CNTNAP5: variants seen among roughly 807,000 people sequenced by gnomAD.
CNTNAP5 encodes contactin-associated protein-like 5.
In CNTNAP5, 72 loss-of-function variants were observed where a neutral mutation model predicts 150.2. The observed-to-expected ratio is 0.48, with a 90% CI of 0.40 to 0.58. The LOEUF (loss-of-function observed/expected upper bound fraction) is 0.58. Ranked by LOEUF, CNTNAP5 falls within the 20% of genes least tolerant of loss-of-function variation. The pLI is 0.00. For synonymous variants in CNTNAP5, 672 were observed against 619.8 expected (o/e 1.08, Z -1.25); for missense variants, 1,636 against 1,626.2 (o/e 1.01, Z -0.10).
At chr2:124,387,045 A>T (rs2104744048) in intron 3 of CNTNAP5, among the ~76,000 whole-genome samples, 1 of 152,328 alleles carries the variant, frequency 6.6e-6, no homozygotes, top group East Asian at 1.9e-4. Context: ...AAAGAACCCC[A>T]CCATATTGGC....
chr2:124,344,153 G>T (rs1321662574), intron 3 of CNTNAP5, among the ~76,000 whole-genome samples: 2 of 152,058 alleles, frequency 1.3e-5, no homozygotes, highest in Non-Finnish European at 2.9e-5. Flanking sequence ...AAAGAGTTTT[G>T]ATTAAGAGAA....
At chr2:124,377,703 T>G (rs920291118) in intron 3 of CNTNAP5, among the ~76,000 whole-genome samples, 8 of 131,398 alleles carry the variant, frequency 6.1e-5, no homozygotes, top group Non-Finnish European at 1.0e-4. Context: ...GAAAAAAAAA[T>G]AAATGCACCT....
intron 13 of CNTNAP5, among the ~76,000 whole-genome samples, chr2:124,650,307 GAGTCCTCATTTACCCAGAC>G (rs1678294473): frequency 6.6e-6 from 1 of 152,150 alleles, no homozygotes; most frequent in East Asian, 1.9e-4. Context: ...TGGGGCAAGA[GAGTCCTCATTTACCCAGAC>G]AGTCCCGTAG....
At chr2:124,486,845 A>G (rs1037004434) in intron 7 of CNTNAP5, among the ~76,000 whole-genome samples, 4 of 152,190 alleles carry the variant, frequency 2.6e-5, no homozygotes, top group African/African-American at 9.7e-5. Flanking sequence ...ATTACATTAA[A>G]ATGCATTTCT....
chr2:124,418,788 C>A (rs746012477), intron 4 of CNTNAP5, among the ~76,000 whole-genome samples: 1 of 152,190 alleles, frequency 6.6e-6, no homozygotes, highest in African/African-American at 2.4e-5. Flanking sequence ...GGGCATCAAG[C>A]TCCTCTTGTC....
intron 19 of CNTNAP5, among the ~76,000 whole-genome samples, chr2:124,807,036 C>G (rs1682096278): frequency 6.6e-6 from 1 of 151,578 alleles, no homozygotes; most frequent in South Asian, 2.1e-4. Context: ...TGTGAAGAAG[C>G]TTTTCTCAGA....
intron 3 of CNTNAP5, among the ~76,000 whole-genome samples, chr2:124,279,950 C>G (rs1469332870): frequency 6.6e-6 from 1 of 152,006 alleles, no homozygotes; most frequent in Admixed American, 6.6e-5. Context: ...CTGTTCCATG[C>G]CTTTCGTCCT....
At chr2:124,308,991 G>C (rs758345019) in intron 3 of CNTNAP5, among the ~76,000 whole-genome samples, 2 of 152,178 alleles carry the variant, frequency 1.3e-5, no homozygotes, top group Non-Finnish European at 2.9e-5. Flanking sequence ...AGGGGAATAT[G>C]TGCCAAGACC....
intron 6 of CNTNAP5, among the ~76,000 whole-genome samples, chr2:124,451,002 T>C (rs1002093094): frequency 2.5e-5 from 3 of 120,916 alleles, no homozygotes; most frequent in Non-Finnish European, 4.8e-5. Context: ...CACTCCAGCC[T>C]GGGTAGCAGA....
At chr2:124,258,123 C>T (rs1687360102) in intron 3 of CNTNAP5, among the ~76,000 whole-genome samples, 3 of 152,082 alleles carry the variant, frequency 2.0e-5, no homozygotes, top group African/African-American at 7.2e-5. Flanking sequence ...ATACCCACAG[C>T]AATGCAGATT....
At chr2:124,614,118 A>G (rs1272295894) in intron 12 of CNTNAP5, among the ~76,000 whole-genome samples, 1 of 152,180 alleles carries the variant, frequency 6.6e-6, no homozygotes, top group Non-Finnish European at 1.5e-5. Context: ...CTCAATATAA[A>G]TTTGGGCATT....
chr2:124,425,708 G>T (rs1012891859), intron 4 of CNTNAP5, among the ~76,000 whole-genome samples: 3 of 152,008 alleles, frequency 2.0e-5, no homozygotes, highest in Non-Finnish European at 4.4e-5. Flanking sequence ...TAAGTTGTAG[G>T]GATCACCATA....
At chr2:124,361,808 A>G (rs571499399) in intron 3 of CNTNAP5, among the ~76,000 whole-genome samples, 3,490 of 152,246 alleles carry the variant, frequency 0.023, 56 homozygotes, top group Non-Finnish European at 0.034. Flanking sequence ...AGAGGCAGGC[A>G]GGCCTCCTTG....
intron 3 of CNTNAP5, among the ~76,000 whole-genome samples, chr2:124,356,730 A>G (rs1356894518): frequency 6.6e-6 from 1 of 151,854 alleles, no homozygotes; most frequent in Non-Finnish European, 1.5e-5. Flanking sequence ...GGTTGGTTCC[A>G]AGTCTTTGCT....
chr2:124,789,118 G>C (rs1356685898), intron 17 of CNTNAP5, among the ~76,000 whole-genome samples: 1 of 152,188 alleles, frequency 6.6e-6, no homozygotes, highest in Non-Finnish European at 1.5e-5. Flanking sequence ...GCACTGCACT[G>C]TGCAAGCATT....
At chr2:124,028,121 T>C (rs894476571) in intron 1 of CNTNAP5, among the ~76,000 whole-genome samples, 2 of 152,228 alleles carry the variant, frequency 1.3e-5, no homozygotes. Flanking sequence ...ATTCTTCCTA[T>C]ATTTTGAAGT....
chr2:124,386,495 C>T lies in CNTNAP5; in HGVS notation c.382-30948C>T, dbSNP rs552791189. Among the ~76,000 whole-genome samples, 29 of 152,324 alleles carry T rather than the reference C, an allele frequency of 1.9e-4. No individual in the cohort carries two copies. The South Asian group carries it at 2.5e-3, about 13-fold the overall frequency. On this transcript the variant is annotated intron_variant, in intron 3 of 23. Transcript: ENST00000682447. ...TCAAGCAGTCTCTTCCATAGTTGAACGGCATTTCTGCCAAGAAATGTTTTA... is the reference window on the plus strand; with the variant it reads ...TCAAGCAGTCTCTTCCATAGTTGAATGGCATTTCTGCCAAGAAATGTTTTA...
chr2:124,720,659 C>T (rs1158443747), intron 13 of CNTNAP5, among the ~76,000 whole-genome samples: 1 of 152,178 alleles, frequency 6.6e-6, no homozygotes, highest in Non-Finnish European at 1.5e-5. Flanking sequence ...TTCATTTCCT[C>T]TGAATGAGCC....
At chr2:124,040,925 T>C (rs1388438370) in intron 1 of CNTNAP5, among the ~76,000 whole-genome samples, 1 of 152,196 alleles carries the variant, frequency 6.6e-6, no homozygotes, top group East Asian at 1.9e-4. Flanking sequence ...TATGCTTTTC[T>C]ATACAAATAT....
Sources: allele counts gnomAD v4.1 joint callset (sites outside exome capture counted in the v4.1 genomes callset), GRCh38; gene constraint gnomAD v4.1.1; transcripts MANE v1.5; gene names NCBI Gene and HGNC (gene_info 2026-07-23, HGNC 2026-07-21).